INTS9: variants seen among roughly 807,000 people sequenced by gnomAD.
The protein encoded by INTS9 is integrator complex subunit 9.
A neutral mutation model predicts 79.7 loss-of-function variants in INTS9; 55 were observed. The ratio of observed to expected loss-of-function variants is 0.69; its 90% CI spans 0.56 to 0.86. The LOEUF (loss-of-function observed/expected upper bound fraction) is 0.86. Ranked by LOEUF, INTS9 falls within the 40% of genes least tolerant of loss-of-function variation. The probability of loss-of-function intolerance (pLI) is 0.00; values close to 1 mark genes in which losing one functional copy is unlikely to be tolerated. For synonymous variants in INTS9, 319 were observed against 325.2 expected (o/e 0.98, Z 0.20); for missense variants, 721 against 831.5 (o/e 0.87, Z 1.64).
At chr8:28,885,179 C>T (rs906596689) in intron 1 of INTS9, among the ~76,000 whole-genome samples, 1 of 152,172 alleles carries the variant, frequency 6.6e-6, no homozygotes, top group Non-Finnish European at 1.5e-5. Context: ...GCATTTTGAA[C>T]AAAGGAGCAA....
At chr8:28,845,966 A>G (rs1807485228) in intron 4 of INTS9, among the ~76,000 whole-genome samples, 1 of 152,236 alleles carries the variant, frequency 6.6e-6, no homozygotes, top group South Asian at 2.1e-4. Flanking sequence ...GAAAACAAAA[A>G]TCAGAGAAAC....
chr8:28,767,875 T>G lies in INTS9; in HGVS notation c.*271A>C. Reference sequence around the variant, plus strand: ...GCCTCCCATGAACCTCTTGGAAAACTTCTCCTGTCCCACTTCTGCCACCCT... The same window carrying G: ...GCCTCCCATGAACCTCTTGGAAAACGTCTCCTGTCCCACTTCTGCCACCCT... On this transcript the variant is annotated 3_prime_UTR_variant, in exon 17 of 17. Coordinates refer to ENST00000521022, the MANE Select transcript of INTS9 (RefSeq NM_018250.4). 2.3e-6 allele frequency: 1 copy of G among 434,992 alleles called. No individual in the cohort carries two copies. The highest frequency in any genetic ancestry group is 2.3e-5 in the South Asian group (1 of 43,268). 26.9% of individuals were successfully genotyped at this position (434,992 alleles called of 1,614,324 possible).
chr8:28,853,369 C>T (rs992525316), intron 2 of INTS9, among the ~76,000 whole-genome samples: 6 of 150,120 alleles, frequency 4.0e-5, no homozygotes, highest in South Asian at 2.1e-4. Context: ...GCCAAGATGG[C>T]GCCACTGTAC....
rs564851859 is a variant in INTS9, at chr8:28,882,217, G to A, written c.9+7657C>T. Among the ~76,000 whole-genome samples, 8 of 134,816 alleles carry A rather than the reference G, an allele frequency of 5.9e-5. No individual in the cohort carries two copies. In the South Asian group the frequency reaches 9.5e-4, roughly 16 times the overall value. The allele number at this position is 134,816 out of a possible 152,430, so 88.4% of individuals were successfully genotyped here. A position where few individuals can be genotyped will look rare whatever the true frequency, so the allele number is the denominator to read the frequency against. The stretch of plus-strand genomic sequence containing the variant: ...ACTCAGGGTTAAATGGATTAAGGGC[G>A]GTGCAAGATGTGCTTTGTTAAACAG... On this transcript the variant is annotated intron_variant, in intron 1 of 16. Transcript: ENST00000521022.
chr8:28,782,917 G>T (rs755437081), intron 11 of INTS9, among the ~76,000 whole-genome samples: 1 of 152,120 alleles, frequency 6.6e-6, no homozygotes, highest in African/African-American at 2.4e-5. Context: ...GGATGCTCAG[G>T]TGGGCAGATC....
At chr8:28,835,589 T>C (rs915598318) in intron 5 of INTS9, among the ~76,000 whole-genome samples, 2 of 152,208 alleles carry the variant, frequency 1.3e-5, no homozygotes, top group African/African-American at 4.8e-5. Context: ...TGCTAAAAAT[T>C]CTGAACTTAA....
At chr8:28,859,677 A>G (rs1387979428) in intron 1 of INTS9, 114 bp from the exon 2 acceptor site, 3 of 1,190,306 alleles carry the variant, frequency 2.5e-6, no homozygotes, top group Non-Finnish European at 3.7e-6. Flanking sequence ...TGTTAAGTTC[A>G]GCTAACTTTC....
At chr8:28,814,104 T>C (rs796977460) in intron 6 of INTS9, among the ~76,000 whole-genome samples, 5 of 151,776 alleles carry the variant, frequency 3.3e-5, no homozygotes, top group Non-Finnish European at 7.4e-5. Context: ...ATGGTCTTGC[T>C]ATGTCGCCCA....
intron 1 of INTS9, among the ~76,000 whole-genome samples, chr8:28,883,764 C>T (rs939071084): frequency 1.1e-4 from 17 of 152,182 alleles, no homozygotes; most frequent in African/African-American, 3.9e-4. Context: ...TGCTTAGTAT[C>T]TTGAGCAATG....
In INTS9 at chr8:28,859,426, C is replaced by G. The variant is rs1316620615; in HGVS notation, c.137+10G>C. ...AAGCTCATTTTGTCTTTGGCTGCAC[C>G]AGCACATACCTTTGAACAAGTGGCA... On this transcript the variant is annotated intron_variant, in intron 2 of 16. Coordinates refer to ENST00000521022, the MANE Select transcript of INTS9 (RefSeq NM_018250.4). 3 of 1,613,106 alleles carry G rather than the reference C, an allele frequency of 1.9e-6. No individual in the cohort carries two copies. The African/African-American group carries it at 4.0e-5, about 22-fold the overall frequency.
Position 28,812,307 on chromosome 8 carries a change from A to G in INTS9, c.744+20T>C. ...TAAGTAACCAAAAAGCTGAGTTGCTAGAAGAGAATTTGGAATTACCTGGGG... is the reference window on the plus strand; with the variant it reads ...TAAGTAACCAAAAAGCTGAGTTGCTGGAAGAGAATTTGGAATTACCTGGGG... On this transcript the variant is annotated intron_variant, in intron 8 of 16. Coordinates refer to ENST00000521022, the MANE Select transcript of INTS9 (RefSeq NM_018250.4). 6.2e-7 allele frequency: 1 copy of G among 1,611,378 alleles called. No homozygotes were observed. The highest frequency in any genetic ancestry group is 8.5e-7 in the Non-Finnish European group (1 of 1,178,692).
chr8:28,823,170 C>A (rs1805948099), intron 6 of INTS9, among the ~76,000 whole-genome samples: 1 of 152,228 alleles, frequency 6.6e-6, no homozygotes, highest in African/African-American at 2.4e-5. Context: ...GGATATGCCA[C>A]CCTACAATAT....
chr8:28,844,830 T>C (rs575182958), intron 4 of INTS9, among the ~76,000 whole-genome samples: 32 of 152,300 alleles, frequency 2.1e-4, no homozygotes, highest in African/African-American at 7.7e-4. Flanking sequence ...AAAAAATTTT[T>C]CTTTTTATAA....
chr8:28,827,194 G>A (rs140724604), intron 6 of INTS9, among the ~76,000 whole-genome samples: 182 of 152,328 alleles, frequency 1.2e-3, no homozygotes, highest in Non-Finnish European at 1.9e-3. Flanking sequence ...CAAGTTCTCA[G>A]AGTCTAAATG....
chr8:28,836,294 G>A lies in INTS9; in HGVS notation c.402-916C>T, dbSNP rs117637669. On this transcript the variant is annotated intron_variant, in intron 5 of 16. Transcript: ENST00000521022. ...GGATGAGGAATCTAAGAAATGCTGC[G>A]CTATCAGTTAGATCAAGGTACACAG... 7.1e-3 allele frequency among the ~76,000 whole-genome samples: 1,080 copies of A among 152,232 alleles called. 7 individuals carry two copies. The highest frequency in any genetic ancestry group is 0.025 in the African/African-American group (1,031 of 41,534).
chr8:28,799,692 A>C (rs1804415718), intron 8 of INTS9, among the ~76,000 whole-genome samples: 1 of 152,208 alleles, frequency 6.6e-6, no homozygotes. Flanking sequence ...CATTTTGTTC[A>C]AATACACACA....
rs1305552546 is a variant in INTS9, at chr8:28,818,112, C to T, written c.489-4500G>A. The stretch of plus-strand genomic sequence containing the variant: ...TCGTCTGCAAACAGGGACAATTTGA[C>T]TTCCTCTTTTCCTAATTGAATACCC... On this transcript the variant is annotated intron_variant, in intron 6 of 16. Transcript: ENST00000521022. Among the ~76,000 whole-genome samples the T allele has an allele frequency of 5.8e-4, 84 of 144,776 alleles. No homozygotes were observed. In the Middle Eastern group the frequency reaches 0.021, roughly 36 times the overall value. The allele number at this position is 144,776 out of a possible 152,430, so 95.0% of individuals were successfully genotyped here. A position where few individuals can be genotyped will look rare whatever the true frequency, so the allele number is the denominator to read the frequency against.
intron 6 of INTS9, among the ~76,000 whole-genome samples, chr8:28,821,916 C>T (rs1252486236): frequency 6.6e-6 from 1 of 151,936 alleles, no homozygotes; most frequent in African/African-American, 2.4e-5. Flanking sequence ...ACTACAGATG[C>T]GTGCCACCAT....
chr8:28,888,480 G>A (rs963731539), intron 1 of INTS9, among the ~76,000 whole-genome samples: 2 of 152,236 alleles, frequency 1.3e-5, no homozygotes, highest in Non-Finnish European at 2.9e-5. Flanking sequence ...AGTCCGAAAG[G>A]TGGAGGTAGC....
Sources: allele counts gnomAD v4.1 joint callset (sites outside exome capture counted in the v4.1 genomes callset), GRCh38; gene constraint gnomAD v4.1.1; transcripts MANE v1.5; gene names NCBI Gene and HGNC (gene_info 2026-07-23, HGNC 2026-07-21).